GLDC: variants seen among roughly 807,000 people sequenced by gnomAD.
GLDC encodes the protein glycine dehydrogenase (decarboxylating), mitochondrial.
GLDC carries 104 observed loss-of-function variants against 121.3 expected under a neutral mutation model. The observed-to-expected ratio is 0.86, with a 90% CI of 0.73 to 1.01. The LOEUF is 1.01. Among genes scored for constraint, GLDC ranks in the 50% least tolerant of loss-of-function variants. GLDC has a pLI of 0.00. For synonymous variants in GLDC, 546 were observed against 480.6 expected, an observed-to-expected ratio of 1.14 and a Z score of -1.78; for missense variants, 1,429 against 1,306.6, an observed-to-expected ratio of 1.09 and a Z score of -1.44.
At chr9:6,549,990 G>C (rs1396882515) in intron 21 of GLDC, among the ~76,000 whole-genome samples, 1 of 152,016 alleles carries the variant, frequency 6.6e-6, no homozygotes, top group East Asian at 1.9e-4. Flanking sequence ...ATTGTCATTT[G>C]CTCCCTCTCC....
In GLDC at chr9:6,535,973, C is replaced by G. The variant is rs576405889; in HGVS notation, c.2838+91G>C. 1,587 of 1,055,040 alleles carry G rather than the reference C, an allele frequency of 1.5e-3. 2 individuals are homozygous for G. Among genetic ancestry groups the G allele is most frequent in the Non-Finnish European group, 2.2e-3 (1,479 of 673,558 alleles). The allele number at this position is 1,055,040 out of a possible 1,614,324, so 65.4% of individuals were successfully genotyped here. On this transcript the variant is annotated intron_variant, in intron 23 of 24. Transcript: ENST00000321612. ...TTATTCTAGGGAAGAGTATCATCCT[C>G]AGTTGAGAGTTCGGGAGTTGCTGGT...
chr9:6,610,434 C>G (rs1288849822), intron 3 of GLDC, 78 bp from the exon 4 acceptor site: 1 of 1,404,716 alleles, frequency 7.1e-7, no homozygotes, highest in Non-Finnish European at 1.0e-6. Context: ...TTTCAGAATT[C>G]AGTACCTGAA....
intron 22 of GLDC, 25 bp from the exon 23 acceptor site, chr9:6,536,261 G>T: frequency 6.2e-7 from 1 of 1,606,674 alleles, no homozygotes; most frequent in East Asian, 2.2e-5. Context: ...AGGAGAACTT[G>T]CCTCACTGAA....
chr9:6,551,656 G>C (rs909434907), intron 20 of GLDC, among the ~76,000 whole-genome samples: 2 of 152,144 alleles, frequency 1.3e-5, no homozygotes, highest in African/African-American at 2.4e-5. Context: ...GTCAAAGAAG[G>C]GTTCCTAGAT....
Position 6,645,624 on chromosome 9 carries a change from C to T in GLDC, c.-125G>A. 3 of 614,876 alleles carry T rather than the reference C, an allele frequency of 4.9e-6. No homozygotes were observed. Among genetic ancestry groups the T allele is most frequent in the Non-Finnish European group, 6.9e-6 (3 of 435,572 alleles). The allele number at this position is 614,876 out of a possible 1,614,324, so 38.1% of individuals were successfully genotyped here. On this transcript the variant is annotated 5_prime_UTR_variant, in exon 1 of 25. Transcript: ENST00000321612. ...GGAGCCCCTTTCGCTGGACAGTCGG[C>T]CGGACAGATGGATGGACGCTCGCGG... is the stretch of plus-strand genomic sequence containing the variant.
intron 15 of GLDC, chr9:6,568,924 C>G (rs1817901923): frequency 6.6e-6 from 1 of 152,158 alleles, no homozygotes; most frequent in African/African-American, 2.4e-5. Context: ...GGAGCTGCTG[C>G]TTAATGCAGA....
intron 10 of GLDC, 85 bp from the exon 11 acceptor site, chr9:6,592,308 A>G (rs1818390831): frequency 1.2e-6 from 1 of 833,854 alleles, no homozygotes; most frequent in Non-Finnish European, 2.1e-6. Flanking sequence ...AAGGGGAGAC[A>G]GTGCTAAACA....
chr9:6,633,321 A>C (rs1819430050), intron 2 of GLDC, among the ~76,000 whole-genome samples: 1 of 151,852 alleles, frequency 6.6e-6, no homozygotes, highest in African/African-American at 2.4e-5. Flanking sequence ...TTTCTTCCCC[A>C]CACTCCATCC....
In GLDC at chr9:6,602,155, T is replaced by G; in HGVS notation, c.1109A>C (p.Gln370Pro). The change falls in exon 8 of 25, where the codon CAA becomes CCA. Residue 370 changes from glutamine (Q) to proline (P), a missense_variant. Transcript: ENST00000321612. ...VYRLALQTRE[Q>P]HIRRDKATSN... ...GGTAGCCTTGTCTCTCCGAATGTGT[T>G]GCTCCCTGGTTTGAAGAGCAAGACG... is the stretch of plus-strand genomic sequence containing the variant. 1 of 1,613,696 alleles carries G rather than the reference T, an allele frequency of 6.2e-7. No individual in the cohort carries two copies. Among genetic ancestry groups the G allele is most frequent in the Non-Finnish European group, 8.5e-7 (1 of 1,179,632 alleles).
rs528523418 is a variant in GLDC at position 6,571,308 on chromosome 9, C to T, written c.1851-5879G>A. On this transcript the variant is annotated intron_variant, in intron 15 of 24. Transcript: ENST00000321612. The stretch of plus-strand genomic sequence containing the variant: ...CTGAAACCATGGATGGCACCCAAAC[C>T]CAGGTGTACTACGATTTTTCCTATA... 5.9e-5 allele frequency among the ~76,000 whole-genome samples: 9 copies of T among 152,194 alleles called. No homozygotes were observed. In the South Asian group the frequency reaches 1.7e-3, roughly 28 times the overall value.
At chr9:6,534,564 G>T in intron 24 of GLDC, 144 bp downstream of exon 24, 1 of 653,242 alleles carries the variant, frequency 1.5e-6, no homozygotes. Flanking sequence ...CAATTTCTTT[G>T]CTCCTCATTC....
intron 20 of GLDC, among the ~76,000 whole-genome samples, chr9:6,552,521 A>G (rs557281154): frequency 6.6e-6 from 1 of 152,340 alleles, no homozygotes; most frequent in Admixed American, 6.5e-5. Flanking sequence ...CCGGCTTCCA[A>G]GAAACTTTTC....
chr9:6,635,594 T>G (rs1207817362), intron 2 of GLDC, among the ~76,000 whole-genome samples: 1 of 152,100 alleles, frequency 6.6e-6, no homozygotes, highest in Non-Finnish European at 1.5e-5. Flanking sequence ...TAATAGGATC[T>G]GGGTGTGGTG....
chr9:6,542,885 C>CAAAAAAAAAAAAAAAAAAAAAAAAAAAAA (rs5896153), intron 21 of GLDC, among the ~76,000 whole-genome samples: 1 of 61,392 alleles, frequency 1.6e-5, no homozygotes, highest in Non-Finnish European at 2.9e-5. Context: ...GACCTTTTCT[C>CAAAAAAAAAAAAAAAAAAAAAAAAAAAAA]AAAAAAAAAA....
At chr9:6,568,672 A>G (rs569148290) in intron 15 of GLDC, among the ~76,000 whole-genome samples, 1 of 151,604 alleles carries the variant, frequency 6.6e-6, no homozygotes, top group Admixed American at 6.6e-5. Context: ...ACATGGTGAA[A>G]CCCCATTTCT....
chr9:6,611,730 G>C (rs1449467559), intron 3 of GLDC, among the ~76,000 whole-genome samples: 6 of 152,020 alleles, frequency 3.9e-5, no homozygotes, highest in Non-Finnish European at 8.8e-5. Flanking sequence ...TGAATTCTTT[G>C]GAACATTATT....
intron 2 of GLDC, among the ~76,000 whole-genome samples, chr9:6,632,661 A>G (rs1223945461): frequency 2.0e-5 from 3 of 152,200 alleles, no homozygotes; most frequent in African/African-American, 7.2e-5. Context: ...TCACGTCCCT[A>G]TTCTCTAGCA....
At chr9:6,535,931 T>G in intron 23 of GLDC, 133 bp downstream of exon 23, 1 of 820,324 alleles carries the variant, frequency 1.2e-6, no homozygotes, top group Non-Finnish European at 2.1e-6. Flanking sequence ...CAACTGCATC[T>G]TCTCAGAAGA....
intron 5 of GLDC, among the ~76,000 whole-genome samples, chr9:6,605,698 A>G (rs538533408): frequency 2.0e-5 from 3 of 152,348 alleles, no homozygotes; most frequent in Admixed American, 6.5e-5. Flanking sequence ...AATGCCAATT[A>G]TATGTCAGAA....
Sources: allele counts gnomAD v4.1 joint callset (sites outside exome capture counted in the v4.1 genomes callset), GRCh38; gene constraint gnomAD v4.1.1; transcripts MANE v1.5; gene names NCBI Gene and HGNC (gene_info 2026-07-23, HGNC 2026-07-21).